Variants in NUMB observed in about 807,000 individuals in gnomAD.
NUMB encodes NUMB endocytic adaptor protein.
In NUMB, 29 loss-of-function variants were observed where a neutral mutation model predicts 59.7. The observed-to-expected ratio is 0.49, with a 90% CI of 0.36 to 0.66. NUMB has a LOEUF of 0.66. NUMB is among the 30% of genes least tolerant of loss of function. The pLI is 0.00. For synonymous variants in NUMB, 288 were observed against 288.2 expected, an observed-to-expected ratio of 1.00 and a Z score of 0.01; for missense variants, 723 against 822.0, an observed-to-expected ratio of 0.88 and a Z score of 1.47.
intron 1 of NUMB, among the ~76,000 whole-genome samples, chr14:73,453,088 G>A (rs767548889): frequency 2.0e-5 from 3 of 151,836 alleles, no homozygotes; most frequent in Non-Finnish European, 2.9e-5. Flanking sequence ...TCCTCCTTTT[G>A]CCTCAAGATT....
chr14:73,342,148 C>T (rs1358043385), intron 4 of NUMB, among the ~76,000 whole-genome samples: 2 of 152,226 alleles, frequency 1.3e-5, no homozygotes, highest in Admixed American at 6.5e-5. Context: ...CCTCCCGCCT[C>T]GGCCTCCCAT....
chr14:73,278,374 G>T (rs1009626905), intron 12 of NUMB, among the ~76,000 whole-genome samples: 1 of 151,672 alleles, frequency 6.6e-6, no homozygotes, highest in Non-Finnish European at 1.5e-5. Context: ...ACAAAAATTG[G>T]TTGGGCATGG....
intron 3 of NUMB, among the ~76,000 whole-genome samples, chr14:73,365,092 T>C (rs951161685): frequency 6.6e-5 from 10 of 152,166 alleles, no homozygotes; most frequent in Admixed American, 6.5e-4. Context: ...CAGGCTGGAG[T>C]GCAGTGGCGT....
chr14:73,455,553 AG>A (rs1326433719), intron 1 of NUMB, among the ~76,000 whole-genome samples: 1 of 152,262 alleles, frequency 6.6e-6, no homozygotes, highest in African/African-American at 2.4e-5. Flanking sequence ...TTTACTTTGT[AG>A]TTAAGCCTCT....
chr14:73,311,636 T>C (rs1890783054), intron 6 of NUMB, among the ~76,000 whole-genome samples: 1 of 152,240 alleles, frequency 6.6e-6, no homozygotes, highest in South Asian at 2.1e-4. Context: ...AATTCTTCTA[T>C]CTACTTACTT....
intron 1 of NUMB, among the ~76,000 whole-genome samples, chr14:73,446,330 G>A (rs538284729): frequency 6.6e-6 from 1 of 152,156 alleles, no homozygotes; most frequent in East Asian, 1.9e-4. Context: ...ATCCTAAACT[G>A]GGCGCGGTGG....
chr14:73,444,293 G>T (rs1197707594), intron 1 of NUMB, among the ~76,000 whole-genome samples: 2 of 151,610 alleles, frequency 1.3e-5, no homozygotes, highest in African/African-American at 4.9e-5. Flanking sequence ...CAGCTACTCG[G>T]GAGGCTGAGG....
At chr14:73,391,514 TTACTC>T (rs1453228387) in intron 2 of NUMB, among the ~76,000 whole-genome samples, 1 of 152,158 alleles carries the variant, frequency 6.6e-6, no homozygotes, top group Non-Finnish European at 1.5e-5. Context: ...AAATCACTAA[TTACTC>T]TAACAATGAT....
At chr14:73,451,163 A>C (rs191918755) in intron 1 of NUMB, among the ~76,000 whole-genome samples, 31,705 of 139,958 alleles carry the variant, frequency 0.23, 5,023 homozygotes, top group East Asian at 0.68. Flanking sequence ...CAAAAAAAAA[A>C]AAAAAAAAAA....
At chr14:73,454,267 G>C (rs1483454862) in intron 1 of NUMB, among the ~76,000 whole-genome samples, 3 of 151,894 alleles carry the variant, frequency 2.0e-5, no homozygotes, top group African/African-American at 7.3e-5. Flanking sequence ...CAGAATTCAA[G>C]ATCTATTCTC....
At chr14:73,424,362 A>G (rs1281319873) in intron 1 of NUMB, among the ~76,000 whole-genome samples, 1 of 152,160 alleles carries the variant, frequency 6.6e-6, no homozygotes, top group Non-Finnish European at 1.5e-5. Flanking sequence ...ATTGATTCTG[A>G]CAACGAATTA....
intron 2 of NUMB, among the ~76,000 whole-genome samples, chr14:73,373,671 T>C (rs1044164736): frequency 6.6e-6 from 1 of 151,860 alleles, no homozygotes; most frequent in Non-Finnish European, 1.5e-5. Flanking sequence ...TATCAGAATG[T>C]TTGAGTTAGG....
chr14:73,395,093 T>TGTGTGTGTGTGTG (rs1896065745), intron 2 of NUMB, among the ~76,000 whole-genome samples: 1 of 71,534 alleles, frequency 1.4e-5, no homozygotes, highest in Non-Finnish European at 3.4e-5. Context: ...GTGTGTGTGT[T>TGTGTGTGTGTGTG]ACATGTGGCT....
rs1285084607 is a variant in NUMB, at chr14:73,287,154, G to A, written c.611C>T (p.Ala204Val). The change falls in exon 9 of 13, where the codon GCA (alanine) becomes GTA (valine). Residue 204 changes from alanine (A) to valine (V), a missense_variant. Around this residue, in one of 2 missense-constraint regions of NUMB, gnomAD observed 317 missense variants for 436.6 expected, o/e 0.73. Transcript: ENST00000555238. ...SFRVTTATEQ[A>V]EREEIMKQMQ... ...TTGTTTCATGATCTCCTCTCTTTCTGCTTGTTCAGTGGCTGTTGTGACACG... is the reference window on the plus strand; with the variant it reads ...TTGTTTCATGATCTCCTCTCTTTCTACTTGTTCAGTGGCTGTTGTGACACG... 7 of 1,613,694 alleles carry A rather than the reference G, an allele frequency of 4.3e-6. No homozygotes were observed. The East Asian group carries it at 8.9e-5, about 21-fold the overall frequency.
chr14:73,375,343 C>T (rs1894901984), intron 2 of NUMB, among the ~76,000 whole-genome samples: 1 of 152,040 alleles, frequency 6.6e-6, no homozygotes, highest in Non-Finnish European at 1.5e-5. Context: ...ACAACAATCC[C>T]CATTTTATGG....
chr14:73,387,173 C>T (rs1241858351), intron 2 of NUMB, among the ~76,000 whole-genome samples: 1 of 152,006 alleles, frequency 6.6e-6, no homozygotes, highest in Non-Finnish European at 1.5e-5. Flanking sequence ...TGAGCCACCG[C>T]GCCCGGCCTA....
At chr14:73,379,847 TGTTTCAGAAA>T (rs571540132) in intron 2 of NUMB, among the ~76,000 whole-genome samples, 549 of 152,302 alleles carry the variant, frequency 3.6e-3, no homozygotes, top group African/African-American at 0.013. Context: ...GAAAGCCGAA[TGTTTCAGAAA>T]GTTTCAGAGG....
rs1197159854 is a variant in NUMB at position 73,352,539 on chromosome 14, T to TTTG, written c.126+3086_126+3087insCAA. Among the ~76,000 whole-genome samples the TTTG allele has an allele frequency of 2.1e-4, 17 of 81,096 alleles. 3 individuals are homozygous for TTTG. The highest frequency in any genetic ancestry group is 7.2e-4 in the African/African-American group (17 of 23,456). 53.2% of individuals were successfully genotyped at this position (81,096 alleles called of 152,430 possible). On this transcript the variant is annotated intron_variant, in intron 4 of 12. Coordinates refer to ENST00000555238, the MANE Select transcript of NUMB (RefSeq NM_001005743.2). ...ATATATATATATATATGTTTTTTTT[T>TTTG]TTTTTTTTTTTTTGAGACAGAGTCT...
intron 1 of NUMB, among the ~76,000 whole-genome samples, chr14:73,414,420 G>T (rs1897030962): frequency 2.0e-5 from 3 of 152,134 alleles, no homozygotes; most frequent in African/African-American, 7.2e-5. Flanking sequence ...TTGAGACAGG[G>T]TCTCACTCTG....
Sources: allele counts gnomAD v4.1 joint callset (sites outside exome capture counted in the v4.1 genomes callset), GRCh38; gene constraint gnomAD v4.1.1; regional missense constraint gnomAD v4.1.1; transcripts MANE v1.5; gene names NCBI Gene and HGNC (gene_info 2026-07-23, HGNC 2026-07-21).